ACSS1: variants seen among roughly 807,000 people sequenced by gnomAD.
ACSS1 encodes the protein acetyl-coenzyme A synthetase 2-like, mitochondrial.
A neutral mutation model predicts 75.3 loss-of-function variants in ACSS1; 42 were observed. That is an observed-to-expected ratio of 0.56 (90% CI 0.44 to 0.72). ACSS1 has a LOEUF of 0.72. Among genes scored for constraint, ACSS1 ranks in the 30% least tolerant of loss-of-function variants. The probability of loss-of-function intolerance (pLI) is 0.00; values close to 1 mark genes in which losing one functional copy is unlikely to be tolerated. For synonymous variants in ACSS1, 380 were observed against 376.8 expected, an observed-to-expected ratio of 1.01 and a Z score of -0.10; for missense variants, 782 against 935.7, an observed-to-expected ratio of 0.84 and a Z score of 2.14.
chr20:25,030,936 G>A lies in ACSS1; in HGVS notation c.454C>T (p.Arg152Cys), dbSNP rs73906050. The change falls in exon 3 of 14, where the codon CGC (arginine) becomes TGC (cysteine). Residue 152 changes from arginine to cysteine, a missense_variant. Coordinates refer to ENST00000323482, the MANE Select transcript of ACSS1 (RefSeq NM_032501.4). Reference protein sequence around the residue: ...TYRELLETTCRLANTLKRHGV... With the variant: ...TYRELLETTCCLANTLKRHGV... ...TGCCTCTTCAGCGTGTTGGCCAGGCGGCACGTGGTCTCCAGTAGTTCCCTG... is the reference window on the plus strand; with the variant it reads ...TGCCTCTTCAGCGTGTTGGCCAGGCAGCACGTGGTCTCCAGTAGTTCCCTG... 2.0e-4 allele frequency: 316 copies of A among 1,614,134 alleles called. 1 individual carries two copies. The African/African-American group carries it at 3.6e-3, about 18-fold the overall frequency.
At chr20:25,046,916 G>A (rs748795520) in intron 2 of ACSS1, 1 of 779,570 alleles carries the variant, frequency 1.3e-6, no homozygotes, top group Non-Finnish European at 2.4e-6. Context: ...GAGTCTGGCT[G>A]GTGGGGGAGA....
intron 2 of ACSS1, among the ~76,000 whole-genome samples, chr20:25,034,458 G>T (rs1383191048): frequency 2.0e-5 from 3 of 152,108 alleles, no homozygotes; most frequent in South Asian, 2.1e-4. Flanking sequence ...CCTCCATGAC[G>T]GCACTCGATC....
intron 3 of ACSS1, among the ~76,000 whole-genome samples, chr20:25,024,532 C>T (rs2088681467): frequency 6.6e-6 from 1 of 152,338 alleles, no homozygotes; most frequent in East Asian, 1.9e-4. Flanking sequence ...GCACCAAAGG[C>T]CTCTTGCAGA....
Position 25,022,926 on chromosome 20 carries a change from G to C in ACSS1, c.960+14C>G, listed in dbSNP as rs753226662. The C allele has an allele frequency of 1.9e-6, 3 of 1,601,058 alleles. No homozygotes were observed. The highest frequency in any genetic ancestry group is 2.6e-6 in the Non-Finnish European group (3 of 1,174,070). On this transcript the variant is annotated intron_variant, in intron 5 of 13. Coordinates refer to ENST00000323482, the MANE Select transcript of ACSS1 (RefSeq NM_032501.4). ...CCCTGCCAAGGGCCCAGCACCGCCC[G>C]CACAGGCCTGTACCTTGTGAGTCAG...
rs759715226 is a variant in ACSS1, at chr20:25,023,572, A to G, written c.701T>C (p.Ile234Thr). 1.2e-6 allele frequency: 2 copies of G among 1,613,712 alleles called. No individual in the cohort carries two copies. Among genetic ancestry groups the G allele is most frequent in the Admixed American group, 1.7e-5 (1 of 59,974 alleles). Reference sequence around the variant, plus strand: ...GCAGTGCTTCACAGCCTCATCCACTATTTTCTTCAGCTCCACCACGCGCCC... The same window carrying G: ...GCAGTGCTTCACAGCCTCATCCACTGTTTTCTTCAGCTCCACCACGCGCCC... Reference protein sequence around the residue: ...RGGRVVELKKIVDEAVKHCPT... With the variant: ...RGGRVVELKKTVDEAVKHCPT... Residue 234 changes from isoleucine (I) to threonine (T), a missense_variant, in exon 4 of 14, where the codon ATA becomes ACA. By Grantham distance (89) the Ile-to-Thr change is moderately conservative. This residue lies in a region of ACSS1 where 377 missense variants were observed against 383.1 expected (regional missense o/e 0.98). Transcript: ENST00000323482.
intron 3 of ACSS1, among the ~76,000 whole-genome samples, chr20:25,024,868 T>C (rs185079414): frequency 7.2e-5 from 11 of 152,248 alleles, no homozygotes; most frequent in African/African-American, 2.6e-4. Context: ...GTCAGAGAGA[T>C]ACCCTAGACC....
intron 2 of ACSS1, chr20:25,032,324 C>A: frequency 1.5e-6 from 2 of 1,310,012 alleles, no homozygotes; most frequent in Non-Finnish European, 2.0e-6. Flanking sequence ...GTCAACCATA[C>A]TCAACTCCGG....
At chr20:25,056,725 C>A (rs1568853631) in intron 1 of ACSS1, among the ~76,000 whole-genome samples, 1 of 152,136 alleles carries the variant, frequency 6.6e-6, no homozygotes, top group South Asian at 2.1e-4. Flanking sequence ...CCTGGTGACC[C>A]TGCCATAAAG....
chr20:25,054,495 A>G (rs549949935), intron 1 of ACSS1, among the ~76,000 whole-genome samples: 1 of 152,260 alleles, frequency 6.6e-6, no homozygotes, highest in Non-Finnish European at 1.5e-5. Context: ...ATAACAAAAC[A>G]GGTGCAAACA....
rs1476078021 is a variant in ACSS1 at position 25,021,489 on chromosome 20, G to A, written c.1008C>T (p.Asp336=). ...QPGDIFGCVA[D]IGWITGHSYV... The stretch of plus-strand genomic sequence containing the variant: ...AGCTGTGTCCTGTAATCCAACCGAT[G>A]TCGGCCACACAGCCAAAGATGTCAC... The change falls in exon 6 of 14, where the codon GAC becomes GAT. Residue 336 remains aspartate, a synonymous_variant. Transcript: ENST00000323482. The A allele has an allele frequency of 2.5e-6, 4 of 1,614,122 alleles. No homozygotes were observed. The highest frequency in any genetic ancestry group is 2.7e-5 in the African/African-American group (2 of 74,934).
At chr20:25,042,185 G>C (rs571217721) in intron 2 of ACSS1, among the ~76,000 whole-genome samples, 2 of 152,178 alleles carry the variant, frequency 1.3e-5, no homozygotes. Flanking sequence ...GACGTGCCAG[G>C]ACCTCGGCAC....
chr20:25,041,040 C>G (rs192314854), intron 2 of ACSS1, among the ~76,000 whole-genome samples: 1 of 152,128 alleles, frequency 6.6e-6, no homozygotes, highest in African/African-American at 2.4e-5. Context: ...GGGTGGATCA[C>G]GAAGTCAGGA....
At position 25,030,863 on chromosome 20, in the gene ACSS1, G is replaced by A. The variant is rs1317169254; in HGVS notation, c.527C>T (p.Pro176Leu). Residue 176 changes from proline to leucine, a missense_variant, in exon 3 of 14, where the codon CCA becomes CTA. Pro to Leu is a moderately conservative substitution (Grantham distance 98). This residue lies in a region of ACSS1 where 377 missense variants were observed against 383.1 expected (regional missense o/e 0.98). Coordinates refer to ENST00000323482, the MANE Select transcript of ACSS1 (RefSeq NM_032501.4). ...DRVAIYMPVS[P>L]LAVAAMLACA... ...GGCCAGCATTGCTGCCACAGCCAAT[G>A]GGGACACGGGCATGTAGATGGCAAC... is the stretch of plus-strand genomic sequence containing the variant. 17 of 1,614,124 alleles carry A rather than the reference G, an allele frequency of 1.1e-5. No homozygotes were observed. Among genetic ancestry groups the A allele is most frequent in the Non-Finnish European group, 1.4e-5 (17 of 1,180,050 alleles).
In ACSS1 at chr20:25,048,737, T is replaced by C. The variant is rs186798183; in HGVS notation, c.335-556A>G. ...AGTAAACCAGCCTTGTTCCAAGAAG[T>C]GGCTCGTGATGGGGAAATGTCCTGG... On this transcript the variant is annotated intron_variant, in intron 1 of 13. Transcript: ENST00000323482. Among the ~76,000 whole-genome samples, 245 of 152,326 alleles carry C rather than the reference T, an allele frequency of 1.6e-3. 1 individual carries two copies. The highest frequency in any genetic ancestry group is 5.7e-3 in the African/African-American group (239 of 41,572).
chr20:25,056,022 A>T (rs2089236683), intron 1 of ACSS1, among the ~76,000 whole-genome samples: 1 of 152,214 alleles, frequency 6.6e-6, no homozygotes, highest in Non-Finnish European at 1.5e-5. Flanking sequence ...TCTGAAGCTC[A>T]ATTTCTGGCT....
At chr20:25,040,132 A>G (rs555675714) in intron 2 of ACSS1, among the ~76,000 whole-genome samples, 14 of 152,200 alleles carry the variant, frequency 9.2e-5, no homozygotes, top group African/African-American at 3.4e-4. Flanking sequence ...TTCTGTAAAC[A>G]TTCACTTTCC....
chr20:25,030,697 GC>G lies in ACSS1; in HGVS notation c.631+61del. On this transcript the variant is annotated intron_variant, in intron 3 of 13. Coordinates refer to ENST00000323482, the MANE Select transcript of ACSS1 (RefSeq NM_032501.4). ...TGATGGTCTCTACACTGATGGCCAG[GC>G]CCCCAGGAACAAGGATCAGGGAACT... 5 of 1,580,288 alleles carry G rather than the reference GC, an allele frequency of 3.2e-6. No homozygotes were observed. The South Asian group carries it at 4.5e-5, about 14-fold the overall frequency.
intron 7 of ACSS1, among the ~76,000 whole-genome samples, chr20:25,016,278 G>C (rs2088514752): frequency 6.6e-6 from 1 of 152,188 alleles, no homozygotes; most frequent in Non-Finnish European, 1.5e-5. Flanking sequence ...TCTCGTAACT[G>C]GGAGGAGCCA....
At chr20:25,039,051 G>A (rs1421528990) in intron 2 of ACSS1, among the ~76,000 whole-genome samples, 4 of 152,098 alleles carry the variant, frequency 2.6e-5, no homozygotes. Flanking sequence ...CCATCCCATG[G>A]AACAAGGACA....
Sources: gnomAD v4.1 joint callset for allele counts (sites outside exome capture counted in the v4.1 genomes callset) on GRCh38, gnomAD v4.1.1 for gene constraint, gnomAD v4.1.1 regional missense constraint, MANE v1.5 for transcripts, NCBI Gene and HGNC (gene_info 2026-07-23, HGNC 2026-07-21) for gene names.